The following CHM variants were observed in gnomAD, a reference collection of about 807,000 sequenced individuals.
The protein encoded by CHM is rab proteins geranylgeranyltransferase component A 1.
A neutral mutation model predicts 49.0 loss-of-function variants in CHM; 10 were observed. The ratio of observed to expected loss-of-function variants is 0.20; its 90% CI spans 0.13 to 0.35. The LOEUF is 0.35. Ranked by LOEUF, CHM falls within the 10% of genes least tolerant of loss-of-function variation. The pLI, the probability that CHM is intolerant of heterozygous loss-of-function variation, is 1.00. For missense variants in CHM, 455 were observed against 478.4 expected, an observed-to-expected ratio of 0.95 and a Z score of 0.46; for synonymous variants, 184 against 167.5, an observed-to-expected ratio of 1.10 and a Z score of -0.76.
intron 2 of CHM, among the ~76,000 whole-genome samples, chrX:85,996,241 A>G (rs1185204199): frequency 8.9e-6 from 1 of 112,397 alleles, no homozygotes; most frequent in Non-Finnish European, 1.9e-5. Flanking sequence ...AAGAGCAAAT[A>G]ATAATTGAGC....
chrX:85,897,100 T>A lies in CHM; in HGVS notation c.1414-2816A>T, dbSNP rs775608875. 4.1e-3 allele frequency among the ~76,000 whole-genome samples: 302 copies of A among 74,555 alleles called. 10 individuals carry two copies. The East Asian group carries it at 0.084, about 21-fold the overall frequency. 64.7% of individuals were successfully genotyped at this position (74,555 alleles called of 115,157 possible). On this transcript the variant is annotated intron_variant, in intron 11 of 14. Transcript: ENST00000357749. ...TTAATTACATAATATATAATATATA[T>A]AACAGCATATATGAAGTATATATAA...
intron 14 of CHM, among the ~76,000 whole-genome samples, chrX:85,867,294 G>A (rs915844106): frequency 9.0e-6 from 1 of 111,458 alleles, no homozygotes; most frequent in Admixed American, 9.6e-5. Context: ...TTGCTCTCCT[G>A]CCGCCATGTA....
chrX:86,031,287 G>A (rs1461994886), intron 1 of CHM, among the ~76,000 whole-genome samples: 1 of 111,219 alleles, frequency 9.0e-6, no homozygotes, highest in Non-Finnish European at 1.9e-5. Context: ...ACACTGTATT[G>A]CACACTTAAA....
At chrX:85,887,697 T>C (rs1202682400) in intron 12 of CHM, among the ~76,000 whole-genome samples, 1 of 111,287 alleles carries the variant, frequency 9.0e-6, no homozygotes, top group Non-Finnish European at 1.9e-5. Flanking sequence ...TTGATAATGA[T>C]ATGGACAATG....
chrX:85,867,273 CTT>C (rs1382807673), intron 14 of CHM, among the ~76,000 whole-genome samples: 1 of 111,704 alleles, frequency 9.0e-6, no homozygotes, highest in Non-Finnish European at 1.9e-5. Flanking sequence ...GCAGTTCCCT[CTT>C]TGCTTTCTTT....
intron 2 of CHM, among the ~76,000 whole-genome samples, chrX:86,014,079 T>C (rs1283560122): frequency 1.8e-5 from 2 of 111,879 alleles, no homozygotes; most frequent in Admixed American, 1.9e-4. Flanking sequence ...TGGGCCATAG[T>C]TTGCAAACTC....
Position 85,873,112 on chromosome X carries a change from G to A in CHM, c.1710C>T (p.Ser570=), listed in dbSNP as rs774676283. 2 of 1,206,486 alleles carry A rather than the reference G, an allele frequency of 1.7e-6. No individual in the cohort carries two copies. Among genetic ancestry groups the A allele is most frequent in the Middle Eastern group, 2.3e-4 (1 of 4,336 alleles). ...CTGGGCCAGAGCAGACATAAACGTT[G>A]GATGGTAAATCATTATAACAGCTCC... The part of the protein sequence containing the change: ...ISRSCYNDLP[S]NVYVCSGPDC... The change falls in exon 14 of 15, where the codon TCC becomes TCT. Residue 570 remains serine, a synonymous_variant. Coordinates refer to ENST00000357749, the MANE Select transcript of CHM (RefSeq NM_000390.4).
At chrX:85,962,477 G>A (rs1930345695) in intron 5 of CHM, among the ~76,000 whole-genome samples, 1 of 112,254 alleles carries the variant, frequency 8.9e-6, no homozygotes, top group Non-Finnish European at 1.9e-5. Flanking sequence ...CAGGCATCAA[G>A]TTCAAAGGGA....
chrX:85,985,561 T>C (rs1336384910), intron 2 of CHM, among the ~76,000 whole-genome samples: 1 of 111,942 alleles, frequency 8.9e-6, no homozygotes. Context: ...TACAAAAAGA[T>C]GGCCAGACAG....
intron 2 of CHM, among the ~76,000 whole-genome samples, chrX:85,998,916 T>C (rs1932570166): frequency 8.9e-6 from 1 of 111,795 alleles, no homozygotes; most frequent in African/African-American, 3.3e-5. Flanking sequence ...CATATATGCT[T>C]GTAATATATA....
chrX:85,956,244 T>C lies in CHM; in HGVS notation c.1075A>G (p.Lys359Glu). The C allele has an allele frequency of 8.3e-7, 1 of 1,211,571 alleles. No homozygotes were observed. Among genetic ancestry groups the C allele is most frequent in the Non-Finnish European group, 1.1e-6 (1 of 895,413 alleles). Residue 359 changes from lysine to glutamate, a missense_variant, in exon 8 of 15, where the codon AAA becomes GAA. Transcript: ENST00000357749. ...SSTIDGLKATKNFLHCLGRYG... is the reference protein window; with the variant it reads ...SSTIDGLKATENFLHCLGRYG... The stretch of plus-strand genomic sequence containing the variant: ...CGCCCAAGACAGTGAAGAAAGTTTT[T>C]GGTAGCTTTGAGACCATCTATGGTG...
intron 7 of CHM, among the ~76,000 whole-genome samples, chrX:85,957,393 CT>C (rs1465742811): frequency 9.2e-6 from 1 of 108,279 alleles, no homozygotes; most frequent in Non-Finnish European, 1.9e-5. Context: ...ACCATCTAGC[CT>C]TTTTTTTTCA....
chrX:85,966,276 G>A (rs1271125065), intron 4 of CHM, among the ~76,000 whole-genome samples: 1 of 107,155 alleles, frequency 9.3e-6, no homozygotes, highest in Non-Finnish European at 1.9e-5. Context: ...TTGAACCCAG[G>A]AGGCGGAGGT....
At chrX:86,006,953 T>A (rs1379353777) in intron 2 of CHM, among the ~76,000 whole-genome samples, 5 of 111,596 alleles carry the variant, frequency 4.5e-5, no homozygotes, top group African/African-American at 1.6e-4. Flanking sequence ...CTTTGCCAAG[T>A]CAATCCTAAG....
intron 12 of CHM, among the ~76,000 whole-genome samples, chrX:85,893,231 G>C (rs1257438035): frequency 9.0e-6 from 1 of 111,311 alleles, no homozygotes; most frequent in Non-Finnish European, 1.9e-5. Context: ...ACATAGCTTA[G>C]GTCTAGACAC....
intron 8 of CHM, among the ~76,000 whole-genome samples, chrX:85,916,257 T>A (rs1301014320): frequency 1.8e-5 from 2 of 111,761 alleles, no homozygotes; most frequent in Non-Finnish European, 3.8e-5. Context: ...ATGCAGAAGA[T>A]CAAAACTGGA....
At chrX:85,956,414 A>G (rs1209535258) in intron 7 of CHM, 36 bp from the exon 8 acceptor site, 2 of 1,181,808 alleles carry the variant, frequency 1.7e-6, no homozygotes, top group Non-Finnish European at 2.3e-6. Context: ...TTAAAATCAG[A>G]ACTAAACTTC....
At chrX:85,970,845 A>G (rs1000307789) in intron 4 of CHM, 70 of 506,359 alleles carry the variant, frequency 1.4e-4, no homozygotes, top group Non-Finnish European at 1.7e-4. Flanking sequence ...TCAGGAAAAC[A>G]AAGCTCTGAT....
chrX:85,896,150 A>T (rs1925814726), intron 11 of CHM, among the ~76,000 whole-genome samples: 1 of 108,621 alleles, frequency 9.2e-6, no homozygotes, highest in Non-Finnish European at 1.9e-5. Context: ...AAAAAAAAAA[A>T]AAGAAAAAAA....
Sources: allele counts gnomAD v4.1 joint callset (sites outside exome capture counted in the v4.1 genomes callset), GRCh38; gene constraint gnomAD v4.1.1; transcripts MANE v1.5; gene names NCBI Gene and HGNC (gene_info 2026-07-23, HGNC 2026-07-21).